The following PCGF3 variants were observed in gnomAD, a reference collection of about 807,000 sequenced individuals.
PCGF3 encodes the protein polycomb group RING finger protein 3.
PCGF3 carries 7 observed loss-of-function variants against 33.1 expected under a neutral mutation model. The observed-to-expected ratio is 0.21, with a 90% CI of 0.12 to 0.40. The LOEUF (loss-of-function observed/expected upper bound fraction) is 0.40. Ranked by LOEUF, PCGF3 falls within the 10% of genes least tolerant of loss-of-function variation. The pLI, the probability that PCGF3 is intolerant of heterozygous loss-of-function variation, is 1.00. For synonymous variants in PCGF3, 153 were observed against 121.3 expected (o/e 1.26, Z -1.72); for missense variants, 211 against 313.3 (o/e 0.67, Z 2.46).
At chr4:764,735 C>T (rs574043453) in intron 9 of PCGF3, 264 of 411,918 alleles carry the variant, frequency 6.4e-4, no homozygotes, top group Admixed American at 1.6e-3. Flanking sequence ...CTAACTGGCA[C>T]GGGCCTGCCC....
exon 11 of PCGF3, chr4:769,492 G>T (rs1312193450): frequency 6.5e-6 from 1 of 152,702 alleles, no homozygotes; most frequent in Non-Finnish European, 1.5e-5. Context: ...ACCTTAACAT[G>T]ATCAATGTAT....
At chr4:707,539 C>G (rs1703558917) in intron 1 of PCGF3, among the ~76,000 whole-genome samples, 1 of 119,798 alleles carries the variant, frequency 8.3e-6, no homozygotes, top group African/African-American at 2.9e-5. Flanking sequence ...TGGGACAGCC[C>G]TGTTTTCCCC....
At chr4:736,684 G>A (rs1207008861) in intron 5 of PCGF3, among the ~76,000 whole-genome samples, 1 of 144,512 alleles carries the variant, frequency 6.9e-6, no homozygotes, top group Non-Finnish European at 1.5e-5. Context: ...TGAGCGCACA[G>A]GATGCAGGGA....
chr4:743,455 G>A lies in PCGF3; in HGVS notation c.263-19G>A. 1 of 1,442,002 alleles carries A rather than the reference G, an allele frequency of 6.9e-7. No homozygotes were observed. The highest frequency in any genetic ancestry group is 1.1e-5 in the South Asian group (1 of 87,616). The allele number at this position is 1,442,002 out of a possible 1,614,324, so 89.3% of individuals were successfully genotyped here. On this transcript the variant is annotated intron_variant, in intron 6 of 10. Transcript: ENST00000362003. ...TCCACTGCCTGTGAGATGAAAGACT[G>A]TGTGTTGATTTTCCGCAGCGGAAAT...
Position 720,758 on chromosome 4 carries a change from C to T in PCGF3, c.-189-9872C>T, listed in dbSNP as rs1314806337. Among the ~76,000 whole-genome samples, 4 of 151,896 alleles carry T rather than the reference C, an allele frequency of 2.6e-5. No homozygotes were observed. The highest frequency in any genetic ancestry group is 7.3e-5 in the African/African-American group (3 of 41,306). On this transcript the variant is annotated intron_variant, in intron 1 of 10. Transcript: ENST00000362003. The surrounding 1 kb of genome is among the most constrained non-coding windows in gnomAD (Gnocchi z 5.6). Reference sequence around the variant, plus strand: ...TGTGGACCCGGCGTGGACGCAGCCCCGACGTGAATGGATGTGGTTCCGACG... The same window carrying T: ...TGTGGACCCGGCGTGGACGCAGCCCTGACGTGAATGGATGTGGTTCCGACG...
At position 722,373 on chromosome 4, in the gene PCGF3, A is replaced by C. The variant is rs569224174; in HGVS notation, c.-189-8257A>C. On this transcript the variant is annotated intron_variant, in intron 1 of 10. Coordinates refer to ENST00000362003, the Ensembl canonical transcript of PCGF3. ...TCCCAGCATCCCGCAGCTAAATGAC[A>C]GGAGCTGGAGGCTGCCCCAGGCAGC... The C allele has an allele frequency of 9.7e-5, 19 of 195,306 alleles. No homozygotes were observed. In the South Asian group the frequency reaches 1.4e-3, roughly 14 times the overall value. The allele number at this position is 195,306 out of a possible 1,614,324, so 12.1% of individuals were successfully genotyped here. A position where few individuals can be genotyped will look rare whatever the true frequency, so the allele number is the denominator to read the frequency against.
In PCGF3 at chr4:735,035, T is replaced by C. The variant is rs773415724; in HGVS notation, c.206+8T>C. ...CCCCCTGCAGTACATCGGGTGAGTG[T>C]GGGCCTTCCCAGGCCACAGTACGTG... is the stretch of plus-strand genomic sequence containing the variant. On this transcript the variant is annotated splice_region_variant and intron_variant, in intron 5 of 10. Coordinates refer to ENST00000362003, the Ensembl canonical transcript of PCGF3. 56 of 1,610,724 alleles carry C rather than the reference T, an allele frequency of 3.5e-5. No individual in the cohort carries two copies. Among genetic ancestry groups the C allele is most frequent in the Non-Finnish European group, 4.4e-5 (52 of 1,179,340 alleles).
At chr4:750,743 A>C (rs949216748) in intron 8 of PCGF3, among the ~76,000 whole-genome samples, 1 of 151,982 alleles carries the variant, frequency 6.6e-6, no homozygotes, top group African/African-American at 2.4e-5. Flanking sequence ...GTGTCTCTGT[A>C]ACCTCGCGGT....
At chr4:738,570 C>T (rs1743942531) in intron 6 of PCGF3, among the ~76,000 whole-genome samples, 1 of 151,342 alleles carries the variant, frequency 6.6e-6, no homozygotes, top group Non-Finnish European at 1.5e-5. Flanking sequence ...ACGTTTGTGG[C>T]CGGGTGCAGT....
chr4:760,717 G>A (rs188278436), intron 8 of PCGF3, among the ~76,000 whole-genome samples: 3 of 152,224 alleles, frequency 2.0e-5, no homozygotes, highest in African/African-American at 7.2e-5. Flanking sequence ...GTGAAGCCTC[G>A]TCCTGGGCAG....
exon 11 of PCGF3, chr4:767,337 G>A (rs1394163195): frequency 6.7e-6 from 1 of 150,068 alleles, no homozygotes; most frequent in Non-Finnish European, 1.5e-5. Flanking sequence ...CTTTAAAACA[G>A]TAACTTGGAA....
At chr4:762,289 A>C (rs1273757207) in intron 9 of PCGF3, 1 of 202,906 alleles carries the variant, frequency 4.9e-6, no homozygotes, top group Admixed American at 6.5e-5. Flanking sequence ...GACTCGAGAC[A>C]GGAGGCCCTG....
At chr4:711,833 C>A (rs1217695020) in intron 1 of PCGF3, among the ~76,000 whole-genome samples, 1 of 151,516 alleles carries the variant, frequency 6.6e-6, no homozygotes. Flanking sequence ...TGGTGGTGGG[C>A]ACCTGTAATC....
chr4:716,763 T>C (rs34502824), intron 1 of PCGF3, among the ~76,000 whole-genome samples: 14 of 82,246 alleles, frequency 1.7e-4, no homozygotes, highest in East Asian at 9.5e-4. Flanking sequence ...ACCCTGTAGA[T>C]ACTGTGAGTG....
rs571339539 is a variant in PCGF3, at chr4:758,631, G to A, written c.463-2648G>A. On this transcript the variant is annotated intron_variant, in intron 8 of 10. Transcript: ENST00000362003. ...CGACTCCAGTTCTTTCTCCCCGCGCGGCCCCTCTCCCGAGTTCTTCTCCTT... is the reference window on the plus strand; with the variant it reads ...CGACTCCAGTTCTTTCTCCCCGCGCAGCCCCTCTCCCGAGTTCTTCTCCTT... Among the ~76,000 whole-genome samples, 55 of 119,506 alleles carry A rather than the reference G, an allele frequency of 4.6e-4. 1 individual carries two copies. Among genetic ancestry groups the A allele is most frequent in the African/African-American group, 1.7e-3 (51 of 30,310 alleles). The allele number at this position is 119,506 out of a possible 152,430, so 78.4% of individuals were successfully genotyped here.
chr4:764,954 C>A (rs200338544), intron 9 of PCGF3, 30 bp from the exon 10 acceptor site: 2 of 1,542,178 alleles, frequency 1.3e-6, no homozygotes, highest in African/African-American at 2.7e-5. Flanking sequence ...AGCACCTCTC[C>A]GCTGCTAATC....
chr4:751,462 T>C (rs1744509496), intron 8 of PCGF3, among the ~76,000 whole-genome samples: 1 of 152,196 alleles, frequency 6.6e-6, no homozygotes. Context: ...GCACGTCACT[T>C]CTGAGCCCAG....
At chr4:708,792 G>C (rs1490907559) in intron 1 of PCGF3, among the ~76,000 whole-genome samples, 1 of 152,162 alleles carries the variant, frequency 6.6e-6, no homozygotes, top group Non-Finnish European at 1.5e-5. Context: ...GGAGGGGTGG[G>C]GTCTGAGCTG....
intron 9 of PCGF3, among the ~76,000 whole-genome samples, chr4:764,292 G>A (rs1181748350): frequency 2.0e-5 from 3 of 152,214 alleles, no homozygotes; most frequent in Non-Finnish European, 4.4e-5. Context: ...TCTTTAAAAA[G>A]TCTAATTTTT....
Sources: allele counts gnomAD v4.1 joint callset (sites outside exome capture counted in the v4.1 genomes callset), GRCh38; gene constraint gnomAD v4.1.1; non-coding constraint Gnocchi (gnomAD v3.1); transcripts MANE v1.5; gene names NCBI Gene and HGNC (gene_info 2026-07-23, HGNC 2026-07-21).